The following TRIO variants were observed in gnomAD, a reference collection of about 807,000 sequenced individuals.
TRIO encodes the protein triple functional domain protein.
In TRIO, 58 loss-of-function variants were observed where a neutral mutation model predicts 351.9. The ratio of observed to expected loss-of-function variants is 0.16; its 90% CI spans 0.13 to 0.21. The LOEUF is 0.21. TRIO is among the 10% of genes least tolerant of loss of function. The pLI, the probability that TRIO is intolerant of heterozygous loss-of-function variation, is 1.00. For missense variants in TRIO, 3,201 were observed against 4,027.8 expected (o/e 0.79, Z 5.56); for synonymous variants, 1,758 against 1,595.7 (o/e 1.10, Z -2.42).
chr5:14,282,784 C>T (rs1736118046), intron 3 of TRIO, among the ~76,000 whole-genome samples: 1 of 152,150 alleles, frequency 6.6e-6, no homozygotes, highest in Non-Finnish European at 1.5e-5. Context: ...GACCCTCCGG[C>T]CACTGAACAG....
chr5:14,508,518 C>A lies in TRIO; in HGVS notation c.*96C>A, dbSNP rs1757875617. On this transcript the variant is annotated 3_prime_UTR_variant, in exon 57 of 57. Transcript: ENST00000344204. ...ACAAGCAAACATAACTGATCAGCTG[C>A]CGGTATGTTCATCGTGTGAAATTGC... 7.0e-7 allele frequency: 1 copy of A among 1,427,992 alleles called. No individual in the cohort carries two copies. The highest frequency in any genetic ancestry group is 9.5e-7 in the Non-Finnish European group (1 of 1,054,324). 88.5% of individuals were successfully genotyped at this position (1,427,992 alleles called of 1,614,324 possible).
chr5:14,438,794 G>T (rs35391439), intron 34 of TRIO, among the ~76,000 whole-genome samples: 2 of 152,314 alleles, frequency 1.3e-5, no homozygotes, highest in South Asian at 4.1e-4. Context: ...CGCTGGTTCC[G>T]CGTTTCTGTC....
At chr5:14,244,275 A>G (rs1190771203) in intron 1 of TRIO, among the ~76,000 whole-genome samples, 1 of 152,208 alleles carries the variant, frequency 6.6e-6, no homozygotes, top group African/African-American at 2.4e-5. Flanking sequence ...TTGAAGTTGT[A>G]ATTTCCTGTT....
chr5:14,271,637 A>G (rs1581496083), intron 2 of TRIO, among the ~76,000 whole-genome samples: 1 of 152,286 alleles, frequency 6.6e-6, no homozygotes, highest in East Asian at 1.9e-4. Context: ...CTTGTTACCA[A>G]ACAAAGATTT....
chr5:14,434,727 G>A (rs1419662961), intron 34 of TRIO, among the ~76,000 whole-genome samples: 2 of 152,164 alleles, frequency 1.3e-5, no homozygotes, highest in East Asian at 3.8e-4. Context: ...AATCCACATT[G>A]TATTTATTTA....
At chr5:14,221,647 G>C (rs1792629225) in intron 1 of TRIO, among the ~76,000 whole-genome samples, 1 of 152,238 alleles carries the variant, frequency 6.6e-6, no homozygotes, top group South Asian at 2.1e-4. Flanking sequence ...GAAACGGCAA[G>C]AGAACTAGAG....
chr5:14,226,876 C>CTGCAGCTCTCCTCCTCCCTGGTTTT (rs151282954), intron 1 of TRIO, among the ~76,000 whole-genome samples: 2 of 10,688 alleles, frequency 1.9e-4, no homozygotes, highest in Admixed American at 7.4e-4. Context: ...AAAGTGGTTT[C>CTGCAGCTCTCCTCCTCCCTGGTTTT]TGCAGCTCTC....
intron 34 of TRIO, among the ~76,000 whole-genome samples, chr5:14,429,479 TC>T (rs1399235143): frequency 5.3e-5 from 8 of 152,228 alleles, no homozygotes; most frequent in Non-Finnish European, 1.5e-5. Flanking sequence ...CTTAAATTGT[TC>T]TGGCTAATTT....
intron 1 of TRIO, 105 bp downstream of exon 1, chr5:14,143,987 G>T: frequency 2.3e-6 from 2 of 869,990 alleles, no homozygotes; most frequent in South Asian, 5.3e-5. Context: ...GTGCCCGCCC[G>T]TCCGTCCGTC....
chr5:14,331,457 T>C (rs1037669407), intron 10 of TRIO, among the ~76,000 whole-genome samples: 1 of 152,218 alleles, frequency 6.6e-6, no homozygotes, highest in African/African-American at 2.4e-5. Flanking sequence ...TTCTTTAAAC[T>C]AGTGAGTTGT....
At chr5:14,436,027 T>C (rs1216112418) in intron 34 of TRIO, among the ~76,000 whole-genome samples, 1 of 152,216 alleles carries the variant, frequency 6.6e-6, no homozygotes, top group Non-Finnish European at 1.5e-5. Flanking sequence ...TACCAACCCA[T>C]GCATACATAA....
At chr5:14,224,555 A>T (rs1171374275) in intron 1 of TRIO, among the ~76,000 whole-genome samples, 1 of 152,172 alleles carries the variant, frequency 6.6e-6, no homozygotes, top group Non-Finnish European at 1.5e-5. Flanking sequence ...TAGCTTGGGA[A>T]GGCTGGATGG....
chr5:14,464,133 C>G (rs557350029), intron 36 of TRIO, among the ~76,000 whole-genome samples: 1 of 152,258 alleles, frequency 6.6e-6, no homozygotes, highest in Admixed American at 6.5e-5. Flanking sequence ...CCTACCCCAC[C>G]CAGTACACAG....
At chr5:14,228,833 T>C (rs1007173568) in intron 1 of TRIO, among the ~76,000 whole-genome samples, 1 of 151,890 alleles carries the variant, frequency 6.6e-6, no homozygotes, top group Admixed American at 6.6e-5. Context: ...ATCATGCCAC[T>C]GCACTCCAGC....
At chr5:14,441,755 C>A (rs957823987) in intron 34 of TRIO, among the ~76,000 whole-genome samples, 5 of 152,100 alleles carry the variant, frequency 3.3e-5, no homozygotes, top group Admixed American at 6.5e-5. Flanking sequence ...TGGAGGTTTT[C>A]AGACTAGAGA....
At chr5:14,429,462 A>G (rs1171383687) in intron 34 of TRIO, among the ~76,000 whole-genome samples, 2 of 152,200 alleles carry the variant, frequency 1.3e-5, no homozygotes, top group African/African-American at 4.8e-5. Flanking sequence ...AAGAGAAGGG[A>G]AAATGCCTTA....
rs764647221 is a variant in TRIO at position 14,488,071 on chromosome 5, G to A, written c.7443G>A (p.Lys2481=). ...TCCCCCCCAGCAGCCCCCTGCAGAA[G>A]GGGGGCTCCTTCTGGAGCTCCATCC... ...EPFPPSSPLQ[K]GGSFWSSIPA... is the part of the protein sequence containing the mutation. Residue 2481 remains lysine (K), a synonymous_variant, in exon 48 of 57, where the codon AAG becomes AAA. Transcript: ENST00000344204. 29 of 1,609,938 alleles carry A rather than the reference G, an allele frequency of 1.8e-5. No individual in the cohort carries two copies. In the Admixed American group the frequency reaches 1.8e-4, roughly 10 times the overall value.
chr5:14,180,182 C>A (rs931998938), intron 1 of TRIO, among the ~76,000 whole-genome samples: 3 of 142,226 alleles, frequency 2.1e-5, no homozygotes, highest in Non-Finnish European at 4.6e-5. Flanking sequence ...CCCTAGTTTT[C>A]TGGCACAACC....
chr5:14,508,238 A>T lies in TRIO; in HGVS notation c.9110A>T (p.Lys3037Met), dbSNP rs55900671. The T allele has an allele frequency of 2.0e-3, 3,169 of 1,614,058 alleles. 68 individuals carry two copies. In the East Asian group the frequency reaches 0.05, roughly 25 times the overall value. The change falls in exon 57 of 57, where the codon AAG (lysine) becomes ATG (methionine). Residue 3037 changes from lysine (K) to methionine (M), a missense_variant. Physicochemically the swap from Lys to Met is moderately conservative, Grantham distance 95. Around this residue, in one of 19 missense-constraint regions of TRIO, gnomAD observed 233 missense variants for 292.6 expected, o/e 0.80. Coordinates refer to ENST00000344204, the MANE Select transcript of TRIO (RefSeq NM_007118.4). ...TTCCTCCTGCAGGAGGACCCCGCCAAGCGTCCCTCGGCTGCGCTGGCCCTC... is the reference window on the plus strand; with the variant it reads ...TTCCTCCTGCAGGAGGACCCCGCCATGCGTCCCTCGGCTGCGCTGGCCCTC... Reference protein sequence around the residue: ...VCFLLQEDPAKRPSAALALQE... With the variant: ...VCFLLQEDPAMRPSAALALQE...
Sources: allele counts gnomAD v4.1 joint callset (sites outside exome capture counted in the v4.1 genomes callset), GRCh38; gene constraint gnomAD v4.1.1; regional missense constraint gnomAD v4.1.1; transcripts MANE v1.5; gene names NCBI Gene and HGNC (gene_info 2026-07-23, HGNC 2026-07-21).